The following ST6GAL2 variants were observed in gnomAD, a reference collection of about 807,000 sequenced individuals.
ST6GAL2 encodes the protein ST6 beta-galactoside alpha-2,6-sialyltransferase 2.
In ST6GAL2, 24 loss-of-function variants were observed where a neutral mutation model predicts 37.5. The ratio of observed to expected loss-of-function variants is 0.64; its 90% CI spans 0.46 to 0.90. ST6GAL2 has a LOEUF of 0.90. Ranked by LOEUF, ST6GAL2 falls within the 40% of genes least tolerant of loss-of-function variation. ST6GAL2 has a pLI of 0.00. For synonymous variants in ST6GAL2, 306 were observed against 295.1 expected (o/e 1.04, Z -0.38); for missense variants, 715 against 712.7 (o/e 1.00, Z -0.04).
chr2:106,851,854 G>A (rs1677377898), intron 1 of ST6GAL2, among the ~76,000 whole-genome samples: 1 of 152,130 alleles, frequency 6.6e-6, no homozygotes, highest in Non-Finnish European at 1.5e-5. Flanking sequence ...CATGTGAGCT[G>A]TGGTGAGATA....
chr2:106,863,104 A>G (rs1430919834), intron 1 of ST6GAL2, among the ~76,000 whole-genome samples: 1 of 152,066 alleles, frequency 6.6e-6, no homozygotes, highest in Non-Finnish European at 1.5e-5. Flanking sequence ...CAAGGACTCC[A>G]AATTTCTTTC....
chr2:106,827,170 C>A (rs1337408130), intron 5 of ST6GAL2, among the ~76,000 whole-genome samples: 2 of 152,008 alleles, frequency 1.3e-5, no homozygotes, highest in African/African-American at 4.8e-5. Flanking sequence ...ATGAAGGGGG[C>A]ATTTGGAGAA....
intron 2 of ST6GAL2, among the ~76,000 whole-genome samples, chr2:106,837,740 T>A (rs1676706770): frequency 6.6e-6 from 1 of 152,216 alleles, no homozygotes; most frequent in Non-Finnish European, 1.5e-5. Context: ...ATTATTTGAC[T>A]AATAAATCTG....
rs750074911 is a variant in ST6GAL2, at chr2:106,843,818, C to A, written c.160G>T (p.Val54Leu). ...SFLETRRLLP[V>L]QGKQRAIMGA... ...ATGATGGCCCGCTGCTTCCCCTGCACCGGCAGGAGCCTCCTGGTCTCCAGG... is the reference window on the plus strand; with the variant it reads ...ATGATGGCCCGCTGCTTCCCCTGCAACGGCAGGAGCCTCCTGGTCTCCAGG... Residue 54 changes from valine (V) to leucine (L), a missense_variant, in exon 2 of 6, where the codon GTG (valine) becomes TTG (leucine). By Grantham distance (32) the Val-to-Leu change is conservative. Around this residue, in one of 3 missense-constraint regions of ST6GAL2, gnomAD observed 512 missense variants for 488.8 expected, o/e 1.05. Coordinates refer to ENST00000409382, the MANE Select transcript of ST6GAL2 (RefSeq NM_001142351.2). 6.2e-7 allele frequency: 1 copy of A among 1,611,652 alleles called. No individual in the cohort carries two copies. The highest frequency in any genetic ancestry group is 8.5e-7 in the Non-Finnish European group (1 of 1,179,058).
chr2:106,811,618 A>G (rs1238776361), intron 5 of ST6GAL2, among the ~76,000 whole-genome samples: 1 of 152,176 alleles, frequency 6.6e-6, no homozygotes, highest in Non-Finnish European at 1.5e-5. Context: ...GGCTTGAAGA[A>G]AGTATCCTAA....
At chr2:106,863,034 G>A (rs1677874114) in intron 1 of ST6GAL2, among the ~76,000 whole-genome samples, 1 of 151,802 alleles carries the variant, frequency 6.6e-6, no homozygotes. Context: ...GGTATTCCTG[G>A]GGATATTTTT....
Position 106,806,806 on chromosome 2 carries a change from C to T in ST6GAL2, c.1462G>A (p.Glu488Lys). ...TTCAGGCGCTGCACCAGGAGCTTCT[C>T]ATAGAGTAGTGGGTGGTACGCCCCG... ...TLGAYHPLLY[E>K]KLLVQRLNMG... Residue 488 changes from glutamate to lysine, a missense_variant, in exon 6 of 6, where the codon GAG becomes AAG. Physicochemically the swap from Glu to Lys is moderately conservative, Grantham distance 56. Coordinates refer to ENST00000409382, the MANE Select transcript of ST6GAL2 (RefSeq NM_001142351.2). 2 of 1,614,170 alleles carry T rather than the reference C, an allele frequency of 1.2e-6. No individual in the cohort carries two copies. The highest frequency in any genetic ancestry group is 1.7e-6 in the Non-Finnish European group (2 of 1,180,038).
chr2:106,814,606 C>A (rs1271993501), intron 5 of ST6GAL2, among the ~76,000 whole-genome samples: 2 of 152,140 alleles, frequency 1.3e-5, no homozygotes, highest in East Asian at 3.9e-4. Context: ...GAGGCCCTGG[C>A]TACAAGGCCT....
chr2:106,859,890 A>C (rs1229946526), intron 1 of ST6GAL2, among the ~76,000 whole-genome samples: 4 of 152,002 alleles, frequency 2.6e-5, no homozygotes, highest in Non-Finnish European at 5.9e-5. Context: ...TTAAAAAAAA[A>C]AATTACCCTT....
At chr2:106,827,938 G>T (rs1160965024) in intron 5 of ST6GAL2, among the ~76,000 whole-genome samples, 2 of 152,130 alleles carry the variant, frequency 1.3e-5, no homozygotes, top group African/African-American at 4.8e-5. Flanking sequence ...CAGCAGAGGG[G>T]AATTCAAACT....
At chr2:106,877,744 A>AAAAT (rs1407923063) in intron 1 of ST6GAL2, among the ~76,000 whole-genome samples, 2 of 152,250 alleles carry the variant, frequency 1.3e-5, no homozygotes, top group African/African-American at 4.8e-5. Context: ...ATATATACAT[A>AAAAT]AAACAAACAA....
chr2:106,844,929 G>A (rs183213789), intron 1 of ST6GAL2, among the ~76,000 whole-genome samples: 1 of 152,264 alleles, frequency 6.6e-6, no homozygotes. Context: ...ACAGCACTTA[G>A]TACCAAAGGA....
chr2:106,865,384 T>C (rs1038489142), intron 1 of ST6GAL2, among the ~76,000 whole-genome samples: 1 of 152,194 alleles, frequency 6.6e-6, no homozygotes, highest in Non-Finnish European at 1.5e-5. Context: ...GCTTAGAGTT[T>C]CTACAGGGGT....
intron 5 of ST6GAL2, among the ~76,000 whole-genome samples, chr2:106,810,954 A>AAAATAAATAAATAAATAAAT (rs57102776): frequency 2.0e-4 from 31 of 151,562 alleles, no homozygotes; most frequent in East Asian, 1.4e-3. Context: ...GCATCCTGTC[A>AAAATAAATAAATAAATAAAT]AAATAAATAA....
intron 1 of ST6GAL2, among the ~76,000 whole-genome samples, chr2:106,879,764 C>T (rs953183680): frequency 2.8e-5 from 4 of 145,222 alleles, no homozygotes; most frequent in Admixed American, 2.1e-4. Context: ...ACATATAGAC[C>T]AACTATATAC....
At chr2:106,885,663 C>A (rs1678951504) in intron 1 of ST6GAL2, among the ~76,000 whole-genome samples, 2 of 152,106 alleles carry the variant, frequency 1.3e-5, no homozygotes, top group African/African-American at 2.4e-5. Flanking sequence ...GAGTTTGCCG[C>A]CTGCCAACTA....
At position 106,862,146 on chromosome 2, in the gene ST6GAL2, A is replaced by G. The variant is rs1677826019; in HGVS notation, c.-57-18112T>C. Among the ~76,000 whole-genome samples the G allele has an allele frequency of 2.0e-5, 3 of 152,366 alleles. No individual in the cohort carries two copies. The South Asian group carries it at 6.2e-4, about 32-fold the overall frequency. ...ATGAAATTACGAGTGATCATTCCGTATATGATATGCAGCTTAAATGAAATG... is the reference window on the plus strand; with the variant it reads ...ATGAAATTACGAGTGATCATTCCGTGTATGATATGCAGCTTAAATGAAATG... On this transcript the variant is annotated intron_variant, in intron 1 of 5. Coordinates refer to ENST00000409382, the MANE Select transcript of ST6GAL2 (RefSeq NM_001142351.2).
chr2:106,836,497 T>C (rs1051276306), intron 2 of ST6GAL2, among the ~76,000 whole-genome samples: 3 of 152,146 alleles, frequency 2.0e-5, no homozygotes, highest in Admixed American at 6.5e-5. Context: ...AAAATGGATC[T>C]TTCACTCACG....
intron 1 of ST6GAL2, among the ~76,000 whole-genome samples, chr2:106,858,584 A>C (rs1271523163): frequency 6.6e-6 from 1 of 152,218 alleles, no homozygotes; most frequent in Non-Finnish European, 1.5e-5. Flanking sequence ...CCTTTTGGCC[A>C]AGGGAAGATA....
Sources: allele counts gnomAD v4.1 joint callset (sites outside exome capture counted in the v4.1 genomes callset), GRCh38; gene constraint gnomAD v4.1.1; regional missense constraint gnomAD v4.1.1; transcripts MANE v1.5; gene names NCBI Gene and HGNC (gene_info 2026-07-23, HGNC 2026-07-21).